SERPINF2: variants seen among roughly 807,000 people sequenced by gnomAD.
SERPINF2 encodes the protein serpin family F member 2, also known as alpha-2-antiplasmin.
In SERPINF2, 15 loss-of-function variants were observed where a neutral mutation model predicts 45.0. The ratio of observed to expected loss-of-function variants is 0.33; its 90% CI spans 0.22 to 0.51. The LOEUF (loss-of-function observed/expected upper bound fraction) is 0.51. SERPINF2 is among the 20% of genes least tolerant of loss of function. The probability of loss-of-function intolerance (pLI) is 0.97; values close to 1 mark genes in which losing one functional copy is unlikely to be tolerated. For synonymous variants in SERPINF2, 283 were observed against 277.9 expected (o/e 1.02, Z -0.18); for missense variants, 518 against 637.4 (o/e 0.81, Z 2.02).
chr17:1,746,988 G>A, intron 5 of SERPINF2, 31 bp from the exon 6 acceptor site: 1 of 1,598,272 alleles, frequency 6.3e-7, no homozygotes. Context: ...AGGACCCGCA[G>A]CCGGGCCTCA....
At chr17:1,751,342 G>A (rs576825164) in intron 8 of SERPINF2, among the ~76,000 whole-genome samples, 5 of 151,844 alleles carry the variant, frequency 3.3e-5, no homozygotes, top group Non-Finnish European at 7.4e-5. Flanking sequence ...CCAGCTACTC[G>A]GGAGGCTGAG....
rs6502935 is a variant in SERPINF2 at position 1,746,874 on chromosome 17, C to T, written c.368-145C>T. The T allele has an allele frequency of 0.73, 814,761 of 1,112,456 alleles. 299,591 individuals carry two copies. Among genetic ancestry groups the T allele is most frequent in the East Asian group, 0.86 (33,149 of 38,636 alleles). 68.9% of individuals were successfully genotyped at this position (1,112,456 alleles called of 1,614,324 possible). A position where few individuals can be genotyped will look rare whatever the true frequency, so the allele number is the denominator to read the frequency against. On this transcript the variant is annotated intron_variant, in intron 5 of 9. Coordinates refer to ENST00000453066, the MANE Select transcript of SERPINF2 (RefSeq NM_000934.4). ...AGCCTGTCAGCCACAGGGGTGAGAG[C>T]CACGCAGAACAGATCCGTGGCTGTG...
chr17:1,754,220 G>A lies in SERPINF2; in HGVS notation c.1162G>A (p.Glu388Lys), dbSNP rs1906637007. 6.2e-7 allele frequency: 1 copy of A among 1,613,758 alleles called. No homozygotes were observed. The highest frequency in any genetic ancestry group is 8.5e-7 in the Non-Finnish European group (1 of 1,180,048). The change falls in exon 10 of 10, where the codon GAG (glutamate) becomes AAG (lysine). Residue 388 changes from glutamate to lysine, a missense_variant. By Grantham distance (56) the Glu-to-Lys change is moderately conservative (BLOSUM62 1). Coordinates refer to ENST00000453066, the MANE Select transcript of SERPINF2 (RefSeq NM_000934.4). ...GCATCAGTCCACCCTGGAGCTCAGC[G>A]AGGTCGGCGTGGAGGCGGCGGCGGC... ...VQHQSTLELS[E>K]VGVEAAAATS...
chr17:1,744,972 G>A lies in SERPINF2; in HGVS notation c.-4-20G>A, dbSNP rs775841802. The A allele has an allele frequency of 2.5e-6, 4 of 1,613,412 alleles. No homozygotes were observed. The highest frequency in any genetic ancestry group is 1.1e-5 in the South Asian group (1 of 91,074). ...CGTGGGGATGTGAGATGGGAACAGA[G>A]CTTTCTGTCCCTGCCACAGGAACAT... On this transcript the variant is annotated intron_variant, in intron 1 of 9. Coordinates refer to ENST00000453066, the MANE Select transcript of SERPINF2 (RefSeq NM_000934.4).
chr17:1,753,546 C>T (rs745722116), intron 9 of SERPINF2, among the ~76,000 whole-genome samples: 8 of 152,170 alleles, frequency 5.3e-5, no homozygotes, highest in Middle Eastern at 3.4e-3. Context: ...ATTAGCCGGG[C>T]GTGGTGGCGC....
At position 1,747,005 on chromosome 17, in the gene SERPINF2, G is replaced by A. The variant is rs1905889067; in HGVS notation, c.368-14G>A. 5 of 1,603,788 alleles carry A rather than the reference G, an allele frequency of 3.1e-6. No individual in the cohort carries two copies. In the South Asian group the frequency reaches 5.5e-5, roughly 18 times the overall value. ...GACCCGCAGCCGGGCCTCAGCCTGT[G>A]CGGTGCCCTCCAGGTGCTCAGAACC... On this transcript the variant is annotated splice_polypyrimidine_tract_variant and intron_variant, in intron 5 of 9. Coordinates refer to ENST00000453066, the MANE Select transcript of SERPINF2 (RefSeq NM_000934.4).
At chr17:1,743,259 C>T (rs896091268) in intron 1 of SERPINF2, among the ~76,000 whole-genome samples, 1 of 152,224 alleles carries the variant, frequency 6.6e-6, no homozygotes, top group African/African-American at 2.4e-5. Context: ...GGAGCAGAGG[C>T]CTGTGATGCT....
intron 1 of SERPINF2, 176 bp downstream of exon 1, chr17:1,743,084 T>C: frequency 2.0e-6 from 2 of 983,912 alleles, no homozygotes; most frequent in Non-Finnish European, 2.4e-6. Flanking sequence ...CAGGTCGGAG[T>C]CGGGGCCCTG....
chr17:1,747,862 C>T (rs958321590), intron 7 of SERPINF2, among the ~76,000 whole-genome samples: 23 of 151,728 alleles, frequency 1.5e-4, no homozygotes, highest in African/African-American at 5.6e-4. Context: ...CCGCGCCCGG[C>T]CATGCAGGCT....
At chr17:1,752,911 C>A in intron 9 of SERPINF2, 121 bp downstream of exon 9, 3 of 871,606 alleles carry the variant, frequency 3.4e-6, no homozygotes, top group Non-Finnish European at 3.5e-6. Context: ...TTTTCCAGGG[C>A]TTCGGGAGCG....
chr17:1,747,532 AG>A lies in SERPINF2; in HGVS notation c.715+21del. 6.2e-7 allele frequency: 1 copy of A among 1,611,358 alleles called. No homozygotes were observed. The highest frequency in any genetic ancestry group is 8.5e-7 in the Non-Finnish European group (1 of 1,178,566). On this transcript the variant is annotated intron_variant, in intron 7 of 9. Transcript: ENST00000453066. Reference sequence around the variant, plus strand: ...TCCAGGGTGCGCTCCTCCTCCTCTCAGATCCCCCACCCTGTAGGCTGAGCTG... The same window carrying A: ...TCCAGGGTGCGCTCCTCCTCCTCTCAATCCCCCACCCTGTAGGCTGAGCTG...
At chr17:1,747,565 G>A in intron 7 of SERPINF2, 53 bp downstream of exon 7, 2 of 1,575,224 alleles carry the variant, frequency 1.3e-6, no homozygotes, top group East Asian at 2.3e-5. Context: ...GCTGGGACGT[G>A]CAGGCCTTTT....
intron 8 of SERPINF2, among the ~76,000 whole-genome samples, 170 bp from the exon 9 acceptor site, chr17:1,752,416 G>T (rs911201753): frequency 3.9e-5 from 6 of 152,126 alleles, no homozygotes; most frequent in Non-Finnish European, 7.3e-5. Context: ...AGTGGGACAG[G>T]TAGTATGACT....
chr17:1,744,462 C>T, intron 1 of SERPINF2: 2 of 814,126 alleles, frequency 2.5e-6, no homozygotes, highest in Non-Finnish European at 3.0e-6. Flanking sequence ...CACTGCACTC[C>T]AGCCTGGTCA....
intron 8 of SERPINF2, among the ~76,000 whole-genome samples, chr17:1,752,353 G>A (rs1343359301): frequency 1.3e-5 from 2 of 152,098 alleles, no homozygotes; most frequent in East Asian, 3.9e-4. Context: ...CCCATGCCCG[G>A]CCACACTGCT....
intron 8 of SERPINF2, among the ~76,000 whole-genome samples, chr17:1,751,984 C>T (rs1458149529): frequency 7.2e-6 from 1 of 138,312 alleles, no homozygotes; most frequent in Non-Finnish European, 1.6e-5. Flanking sequence ...AGCTGGTAGC[C>T]GGTGAAGAGA....
intron 5 of SERPINF2, 94 bp from the exon 6 acceptor site, chr17:1,746,925 C>T (rs1346244032): frequency 1.2e-5 from 18 of 1,476,092 alleles, no homozygotes; most frequent in African/African-American, 5.5e-5. Flanking sequence ...GTCCCGTGGA[C>T]GTCCTCGTCA....
intron 8 of SERPINF2, among the ~76,000 whole-genome samples, chr17:1,749,529 C>A (rs1210245813): frequency 6.6e-6 from 1 of 152,196 alleles, no homozygotes; most frequent in Non-Finnish European, 1.5e-5. Context: ...ACCCGGGAGA[C>A]GGAGGCTGCA....
intron 5 of SERPINF2, 141 bp from the exon 6 acceptor site, chr17:1,746,878 G>T: frequency 8.4e-7 from 1 of 1,183,672 alleles, no homozygotes; most frequent in Non-Finnish European, 1.2e-6. Context: ...TGAGAGCCAC[G>T]CAGAACAGAT....
Sources: gnomAD v4.1 joint callset for allele counts (sites outside exome capture counted in the v4.1 genomes callset) on GRCh38, gnomAD v4.1.1 for gene constraint, MANE v1.5 for transcripts, NCBI Gene and HGNC (gene_info 2026-07-23, HGNC 2026-07-21) for gene names.